Variants in DAAM2 observed in about 807,000 individuals in gnomAD.
DAAM2 encodes disheveled-associated activator of morphogenesis 2.
DAAM2 carries 39 observed loss-of-function variants against 120.7 expected under a neutral mutation model. The observed-to-expected ratio is 0.32, with a 90% confidence interval of 0.25 to 0.42. The LOEUF (loss-of-function observed/expected upper bound fraction) is 0.42, where lower values mean the gene tolerates loss of function less well. Ranked by LOEUF, DAAM2 falls within the 10% of genes least tolerant of loss-of-function variation. The pLI, the probability that DAAM2 is intolerant of heterozygous loss-of-function variation, is 1.00. For synonymous variants in DAAM2, 488 were observed against 524.9 expected (o/e 0.93, Z 0.96); for missense variants, 1,283 against 1,401.7 (o/e 0.92, Z 1.35).
rs375987274 is a variant in DAAM2, at chr6:39,901,450, G to A, written c.2960G>A (p.Arg987Gln). 2.9e-5 allele frequency: 46 copies of A among 1,610,152 alleles called. No homozygotes were observed. Among genetic ancestry groups the A allele is most frequent in the Non-Finnish European group, 3.6e-5 (42 of 1,179,706 alleles). Residue 987 changes from arginine (R) to glutamine (Q), a missense_variant, in exon 24 of 25, where the codon CGG (arginine) becomes CAG (glutamine). Transcript: ENST00000274867. The surrounding 1 kb of genome is among the most constrained non-coding windows in gnomAD (Gnocchi z 4.5). The part of the protein sequence containing the change: ...AMRRRKEEEE[R>Q]RARMEAMLKE... Reference sequence around the variant, plus strand: ...AGGAGGAGGAAGGAGGAGGAGGAGCGGCGGGCGCGCATGGAAGCCATGGTG... The same window carrying A: ...AGGAGGAGGAAGGAGGAGGAGGAGCAGCGGGCGCGCATGGAAGCCATGGTG...
chr6:39,875,283 G>C (rs978882330), intron 10 of DAAM2, 47 bp from the exon 11 acceptor site: 1 of 1,591,344 alleles, frequency 6.3e-7, no homozygotes, highest in African/African-American at 1.3e-5. Context: ...TGGGGCCCAA[G>C]GGGGACTTCA....
chr6:39,819,775 T>G (rs1762425561), intron 1 of DAAM2: 1 of 152,224 alleles, frequency 6.6e-6, no homozygotes, highest in African/African-American at 2.4e-5. Flanking sequence ...CGTCTGGTGG[T>G]TCAGCCTTCT....
At chr6:39,867,897 CAT>C (rs778542658) in intron 6 of DAAM2, 54 bp downstream of exon 6, 419 of 1,430,794 alleles carry the variant, frequency 2.9e-4, no homozygotes, top group Non-Finnish European at 3.2e-4. Flanking sequence ...GAGGATGTCA[CAT>C]GTGAGTGAGA....
chr6:39,813,413 T>C (rs148926790), intron 1 of DAAM2, among the ~76,000 whole-genome samples: 7 of 152,252 alleles, frequency 4.6e-5, no homozygotes, highest in African/African-American at 1.7e-4. Flanking sequence ...CGAAAGCATT[T>C]AGAAAGCAAC....
chr6:39,902,064 C>G lies in DAAM2; in HGVS notation c.*27C>G, dbSNP rs147431506. The stretch of plus-strand genomic sequence containing the variant: ...CTGGGGAACTAGCCACACAGGAGGC[C>G]GGGAGACAGGGACTGGTGAGAATGG... On this transcript the variant is annotated 3_prime_UTR_variant, in exon 25 of 25. Coordinates refer to ENST00000274867, the MANE Select transcript of DAAM2 (RefSeq NM_001201427.2). 6.4e-7 allele frequency: 1 copy of G among 1,563,816 alleles called. No individual in the cohort carries two copies.
chr6:39,870,797 C>T (rs1221260372), intron 8 of DAAM2, among the ~76,000 whole-genome samples: 1 of 152,218 alleles, frequency 6.6e-6, no homozygotes, highest in Non-Finnish European at 1.5e-5. Context: ...AAATGTCCCG[C>T]AGTACCTTCC....
At chr6:39,859,054 CCA>C (rs1764114970) in intron 2 of DAAM2, among the ~76,000 whole-genome samples, 1 of 152,134 alleles carries the variant, frequency 6.6e-6, no homozygotes, top group East Asian at 1.9e-4. Flanking sequence ...GGTATAGAGA[CCA>C]CTGGCTGGAA....
chr6:39,844,466 C>T (rs1007465113), intron 1 of DAAM2, among the ~76,000 whole-genome samples: 2 of 152,126 alleles, frequency 1.3e-5, no homozygotes, highest in African/African-American at 2.4e-5. Flanking sequence ...GTTTGGGCAT[C>T]GTCTCCTGGT....
In DAAM2 at chr6:39,904,088, G is replaced by C; in HGVS notation, c.*2051G>C. The C allele has an allele frequency of 1.2e-5, 5 of 422,890 alleles. No individual in the cohort carries two copies. Among genetic ancestry groups the C allele is most frequent in the Non-Finnish European group, 4.7e-6 (1 of 211,742 alleles). The allele number at this position is 422,890 out of a possible 1,614,324, so 26.2% of individuals were successfully genotyped here. On this transcript the variant is annotated 3_prime_UTR_variant, in exon 25 of 25. Coordinates refer to ENST00000274867, the MANE Select transcript of DAAM2 (RefSeq NM_001201427.2). ...CCCCTCAGGGGCAGGGAACAGGGGAGGGCTCCACAAGCGTGTCTGGCATTC... is the reference window on the plus strand; with the variant it reads ...CCCCTCAGGGGCAGGGAACAGGGGACGGCTCCACAAGCGTGTCTGGCATTC...
At chr6:39,849,055 A>G (rs961448779) in intron 1 of DAAM2, 1 of 152,212 alleles carries the variant, frequency 6.6e-6, no homozygotes, top group African/African-American at 2.4e-5. Flanking sequence ...ATTAAGTGGA[A>G]TCATATGAAA....
At chr6:39,864,689 C>G (rs1461301706) in intron 4 of DAAM2, among the ~76,000 whole-genome samples, 182 bp downstream of exon 4, 7 of 152,214 alleles carry the variant, frequency 4.6e-5, no homozygotes, top group African/African-American at 1.7e-4. Context: ...TAATCCACCC[C>G]TCCTCTGGGC....
intron 2 of DAAM2, among the ~76,000 whole-genome samples, chr6:39,860,271 C>A (rs1245010187): frequency 1.3e-5 from 2 of 152,224 alleles, no homozygotes; most frequent in Non-Finnish European, 1.5e-5. Flanking sequence ...GCTGGTCCTG[C>A]AGTGGGAGGG....
intron 1 of DAAM2, among the ~76,000 whole-genome samples, chr6:39,842,460 C>T (rs578156198): frequency 5.3e-5 from 8 of 152,148 alleles, no homozygotes; most frequent in South Asian, 2.1e-4. Context: ...GGTGAAATCC[C>T]GTCTCTACTA....
intron 1 of DAAM2, among the ~76,000 whole-genome samples, chr6:39,840,681 G>A (rs1185400618): frequency 6.6e-6 from 1 of 151,940 alleles, no homozygotes; most frequent in Non-Finnish European, 1.5e-5. Flanking sequence ...GGAGGGGAGA[G>A]GATACAGGAG....
intron 2 of DAAM2, 136 bp from the exon 3 acceptor site, chr6:39,860,792 C>A: frequency 1.4e-6 from 1 of 732,676 alleles, no homozygotes; most frequent in Non-Finnish European, 2.3e-6. Flanking sequence ...CCTATCATAT[C>A]TTTGATGCTC....
intron 15 of DAAM2, 34 bp from the exon 16 acceptor site, chr6:39,887,452 C>A: frequency 1.3e-6 from 2 of 1,522,266 alleles, no homozygotes; most frequent in East Asian, 2.3e-5. Flanking sequence ...AGGGAACCCA[C>A]ACCTCAACTG....
intron 1 of DAAM2, among the ~76,000 whole-genome samples, chr6:39,798,957 CATTG>C (rs1761781089): frequency 6.6e-6 from 1 of 152,132 alleles, no homozygotes; most frequent in Non-Finnish European, 1.5e-5. Context: ...AGTCAAATTG[CATTG>C]TAGAATCGAC....
chr6:39,797,940 T>C (rs1301954973), intron 1 of DAAM2, among the ~76,000 whole-genome samples: 2 of 152,260 alleles, frequency 1.3e-5, no homozygotes, highest in African/African-American at 4.8e-5. Flanking sequence ...TCTTGTTTTA[T>C]AGATAAAGTT....
chr6:39,844,637 A>G (rs1763489888), intron 1 of DAAM2, among the ~76,000 whole-genome samples: 1 of 152,162 alleles, frequency 6.6e-6, no homozygotes. Flanking sequence ...GTTCATGGGA[A>G]AAAGAAGAAA....
Sources: gnomAD v4.1 joint callset for allele counts (sites outside exome capture counted in the v4.1 genomes callset) on GRCh38, gnomAD v4.1.1 for gene constraint, Gnocchi (gnomAD v3.1) non-coding constraint, MANE v1.5 for transcripts, NCBI Gene and HGNC (gene_info 2026-07-23, HGNC 2026-07-21) for gene names.